The following SH3KBP1 variants were observed in gnomAD, a reference collection of about 807,000 sequenced individuals.
SH3KBP1 encodes the protein SH3 domain containing kinase binding protein 1, also known as SH3 domain-containing kinase-binding protein 1.
SH3KBP1 carries 8 observed loss-of-function variants against 50.1 expected under a neutral mutation model. The observed-to-expected ratio is 0.16, with a 90% CI of 0.09 to 0.29. The LOEUF is 0.29. Among genes scored for constraint, SH3KBP1 ranks in the 10% least tolerant of loss-of-function variants. SH3KBP1 has a pLI of 1.00. For missense variants in SH3KBP1, 377 were observed against 535.2 expected (o/e 0.70, Z 2.92); for synonymous variants, 227 against 218.6 (o/e 1.04, Z -0.34).
At chrX:19,692,663 GTGTGTGTA>G (rs1388826391) in intron 5 of SH3KBP1, among the ~76,000 whole-genome samples, 17 of 74,852 alleles carry the variant, frequency 2.3e-4, no homozygotes, top group African/African-American at 8.7e-4. Context: ...GTGTGTGTGT[GTGTGTGTA>G]TGTATATATA....
At chrX:19,691,285 ACT>A (rs2063278684) in intron 5 of SH3KBP1, among the ~76,000 whole-genome samples, 1 of 89,170 alleles carries the variant, frequency 1.1e-5, no homozygotes, top group African/African-American at 4.1e-5. Flanking sequence ...TGGCAGGTTT[ACT>A]CTCGCACGCA....
At position 19,794,194 on chromosome X, in the gene SH3KBP1, G is replaced by A. The variant is rs191441448; in HGVS notation, c.162+41931C>T. ...CAGATCACTGAGCCCAGGAGTTCAA[G>A]ACCAGCCTGGGCAACATGGTGAAAC... On this transcript the variant is annotated intron_variant, in intron 2 of 17. Transcript: ENST00000397821. Among the ~76,000 whole-genome samples the A allele has an allele frequency of 2.5e-3, 223 of 90,907 alleles. 2 individuals carry two copies. The highest frequency in any genetic ancestry group is 2.5e-3 in the Non-Finnish European group (121 of 47,866). The allele number at this position is 90,907 out of a possible 115,157, so 78.9% of individuals were successfully genotyped here. A position where few individuals can be genotyped will look rare whatever the true frequency, so the allele number is the denominator to read the frequency against.
At chrX:19,611,257 T>G (rs2067402340) in intron 8 of SH3KBP1, among the ~76,000 whole-genome samples, 1 of 112,157 alleles carries the variant, frequency 8.9e-6, no homozygotes, top group Non-Finnish European at 1.9e-5. Flanking sequence ...AGAACCTTTT[T>G]TGCTTCACAT....
chrX:19,858,962 G>T (rs746907010), intron 1 of SH3KBP1, among the ~76,000 whole-genome samples: 3 of 111,712 alleles, frequency 2.7e-5, no homozygotes, highest in Non-Finnish European at 5.6e-5. Context: ...TTTCCAACTG[G>T]AAAGGGACAA....
At chrX:19,635,278 A>T (rs2061673980) in intron 7 of SH3KBP1, among the ~76,000 whole-genome samples, 2 of 111,357 alleles carry the variant, frequency 1.8e-5, no homozygotes, top group African/African-American at 6.6e-5. Flanking sequence ...AGGGACATGG[A>T]TGAAGCTGGA....
chrX:19,692,311 G>C (rs1345975016), intron 5 of SH3KBP1, among the ~76,000 whole-genome samples: 1 of 110,869 alleles, frequency 9.0e-6, no homozygotes, highest in African/African-American at 3.3e-5. Flanking sequence ...TAAGAGAAAA[G>C]CAAGTTCAAA....
chrX:19,557,673 C>T (rs921581287), intron 13 of SH3KBP1, among the ~76,000 whole-genome samples: 1 of 111,466 alleles, frequency 9.0e-6, no homozygotes, highest in South Asian at 3.8e-4. Context: ...TATTATGATC[C>T]TGCATCTTGA....
chrX:19,832,642 C>T (rs1367033430), intron 2 of SH3KBP1, among the ~76,000 whole-genome samples: 2 of 110,403 alleles, frequency 1.8e-5, no homozygotes, highest in African/African-American at 3.3e-5. Context: ...GGGATAACCG[C>T]CTCCCCCCGC....
chrX:19,719,713 A>G (rs1399218096), intron 3 of SH3KBP1, among the ~76,000 whole-genome samples: 1 of 109,444 alleles, frequency 9.1e-6, no homozygotes, highest in Non-Finnish European at 1.9e-5. Flanking sequence ...ATTAAAGCAC[A>G]TAAAAGAGAA....
In SH3KBP1 at chrX:19,628,492, G is replaced by T. The variant is rs1413966797; in HGVS notation, c.897+3372C>A. On this transcript the variant is annotated intron_variant, in intron 8 of 17. Coordinates refer to ENST00000397821, the MANE Select transcript of SH3KBP1 (RefSeq NM_031892.3). ...ACACAGCCAGGAACAGTGGAGCTGG[G>T]ATTCAAACCCTGGTTCTGGGAGCTG... Among the ~76,000 whole-genome samples the T allele has an allele frequency of 1.1e-4, 12 of 111,384 alleles. No individual in the cohort carries two copies. In the Admixed American group the frequency reaches 1.2e-3, roughly 11 times the overall value.
At chrX:19,672,375 A>G (rs2062818660) in intron 6 of SH3KBP1, among the ~76,000 whole-genome samples, 1 of 111,975 alleles carries the variant, frequency 8.9e-6, no homozygotes, top group Non-Finnish European at 1.9e-5. Flanking sequence ...CAAAGAGTCA[A>G]GTATGGAAAG....
chrX:19,546,627 G>A (rs1229535009), intron 14 of SH3KBP1, among the ~76,000 whole-genome samples: 1 of 112,395 alleles, frequency 8.9e-6, no homozygotes, highest in Non-Finnish European at 1.9e-5. Flanking sequence ...TTGTGGTCCA[G>A]TGACCAGTGT....
At chrX:19,848,207 G>A (rs983144726) in intron 1 of SH3KBP1, among the ~76,000 whole-genome samples, 2 of 111,631 alleles carry the variant, frequency 1.8e-5, no homozygotes, top group Non-Finnish European at 3.8e-5. Context: ...TTAGATAAAT[G>A]GCTGATTTCA....
intron 13 of SH3KBP1, among the ~76,000 whole-genome samples, chrX:19,553,700 A>C (rs1158408690): frequency 9.7e-6 from 1 of 103,599 alleles, no homozygotes; most frequent in Non-Finnish European, 2.0e-5. Context: ...CACTAAGAAG[A>C]CCTATGCACA....
chrX:19,759,111 C>T (rs185243299), intron 2 of SH3KBP1, among the ~76,000 whole-genome samples: 3 of 112,163 alleles, frequency 2.7e-5, no homozygotes, highest in Non-Finnish European at 5.6e-5. Context: ...AGGTACTTTT[C>T]TAAGGCTTTA....
intron 8 of SH3KBP1, among the ~76,000 whole-genome samples, chrX:19,614,904 G>A (rs1043389014): frequency 1.8e-5 from 2 of 111,712 alleles, no homozygotes; most frequent in African/African-American, 6.5e-5. Context: ...CTGCCGTAGT[G>A]CCCGGAACAT....
intron 1 of SH3KBP1, among the ~76,000 whole-genome samples, chrX:19,837,358 G>A (rs2068086984): frequency 9.0e-6 from 1 of 111,115 alleles, no homozygotes; most frequent in Non-Finnish European, 1.9e-5. Flanking sequence ...AAGTGCCAAT[G>A]CAAATTAGCA....
chrX:19,799,101 C>A (rs1427736486), intron 2 of SH3KBP1, among the ~76,000 whole-genome samples: 1 of 110,058 alleles, frequency 9.1e-6, no homozygotes, highest in Non-Finnish European at 1.9e-5. Context: ...TTACCCCCAC[C>A]CCCTTTATTT....
chrX:19,555,845 G>A (rs991856570), intron 13 of SH3KBP1, among the ~76,000 whole-genome samples: 18 of 111,565 alleles, frequency 1.6e-4, no homozygotes, highest in Admixed American at 7.6e-4. Flanking sequence ...CAACTGAGGC[G>A]TCTTCCAAGA....
Sources: allele counts gnomAD v4.1 joint callset (sites outside exome capture counted in the v4.1 genomes callset), GRCh38; gene constraint gnomAD v4.1.1; transcripts MANE v1.5; gene names NCBI Gene and HGNC (gene_info 2026-07-23, HGNC 2026-07-21).